The following DOCK5 variants were observed in gnomAD, a reference collection of about 807,000 sequenced individuals.
The protein encoded by DOCK5 is dedicator of cytokinesis 5.
DOCK5 carries 142 observed loss-of-function variants against 251.8 expected under a neutral mutation model. The observed-to-expected ratio is 0.56, with a 90% CI of 0.49 to 0.65. The LOEUF (loss-of-function observed/expected upper bound fraction) is 0.65. DOCK5 is among the 30% of genes least tolerant of loss of function. The pLI is 0.00. For synonymous variants in DOCK5, 842 were observed against 835.5 expected, an observed-to-expected ratio of 1.01 and a Z score of -0.13; for missense variants, 2,111 against 2,312.3, an observed-to-expected ratio of 0.91 and a Z score of 1.79.
At chr8:25,190,778 T>TTTTTTTTTTTTTG (rs1801562966) in intron 1 of DOCK5, among the ~76,000 whole-genome samples, 1 of 89,312 alleles carries the variant, frequency 1.1e-5, no homozygotes, top group Non-Finnish European at 2.5e-5. Context: ...GGTCATGGGT[T>TTTTTTTTTTTTTG]TTTTTTTTTT....
chr8:25,349,039 A>T (rs1035469350), intron 26 of DOCK5, among the ~76,000 whole-genome samples: 2 of 152,170 alleles, frequency 1.3e-5, no homozygotes, highest in African/African-American at 2.4e-5. Flanking sequence ...GATTTTATGA[A>T]TCACTTTCAT....
At chr8:25,351,914 G>A in intron 27 of DOCK5, 88 bp downstream of exon 27, 1 of 989,318 alleles carries the variant, frequency 1.0e-6, no homozygotes, top group South Asian at 1.4e-5. Flanking sequence ...AGTGGCTTGA[G>A]ACTATTCTTC....
At position 25,400,963 on chromosome 8, in the gene DOCK5, G is replaced by A. The variant is rs1801428920; in HGVS notation, c.4823G>A (p.Gly1608Glu). The A allele has an allele frequency of 6.2e-7, 1 of 1,614,006 alleles. No homozygotes were observed. The highest frequency in any genetic ancestry group is 8.5e-7 in the Non-Finnish European group (1 of 1,179,894). ...CTAACAGAAGGGATCCGCATCCATG[G>A]GGAGAAACTCACAGAGCAGCTGAAG... The part of the protein sequence containing the change: ...PLLTEGIRIH[G>E]EKLTEQLKPL... The change falls in exon 47 of 52, where the codon GGG becomes GAG. Residue 1608 changes from glycine to glutamate, a missense_variant. By Grantham distance (98) the Gly-to-Glu change is moderately conservative. Transcript: ENST00000276440.
At chr8:25,313,053 A>G (rs1805144399) in intron 13 of DOCK5, among the ~76,000 whole-genome samples, 1 of 152,208 alleles carries the variant, frequency 6.6e-6, no homozygotes, top group Non-Finnish European at 1.5e-5. Flanking sequence ...AGACCGATTC[A>G]GAGCTCCCAA....
At chr8:25,244,122 TG>T (rs1470665169) in intron 2 of DOCK5, among the ~76,000 whole-genome samples, 1 of 152,248 alleles carries the variant, frequency 6.6e-6, no homozygotes, top group Non-Finnish European at 1.5e-5. Flanking sequence ...GGTCTCTTTC[TG>T]TTCAGCACTA....
chr8:25,343,044 G>A (rs1800276148), intron 25 of DOCK5, among the ~76,000 whole-genome samples: 1 of 151,724 alleles, frequency 6.6e-6, no homozygotes, highest in South Asian at 2.1e-4. Context: ...CCTCACCTAG[G>A]CTGGAGTTCT....
At chr8:25,219,599 T>A (rs929560349) in intron 1 of DOCK5, among the ~76,000 whole-genome samples, 11 of 152,192 alleles carry the variant, frequency 7.2e-5, no homozygotes, top group Non-Finnish European at 1.6e-4. Flanking sequence ...TCTGAAAATA[T>A]CTCTATTCCA....
rs573494437 is a variant in DOCK5, at chr8:25,206,432, A to G, written c.43+21481A>G. ...GGTGTAAATACTCCCACAGTGGCCA[A>G]TTTCAGACCAGCAGTGGATTAAGAG... is the stretch of plus-strand genomic sequence containing the variant. On this transcript the variant is annotated intron_variant, in intron 1 of 51. Coordinates refer to ENST00000276440, the MANE Select transcript of DOCK5 (RefSeq NM_024940.8). Among the ~76,000 whole-genome samples the G allele has an allele frequency of 1.1e-4, 16 of 152,270 alleles. No homozygotes were observed. The South Asian group carries it at 1.7e-3, about 16-fold the overall frequency.
chr8:25,386,595 C>T (rs533840505), intron 40 of DOCK5, among the ~76,000 whole-genome samples: 2 of 151,976 alleles, frequency 1.3e-5, no homozygotes, highest in Non-Finnish European at 2.9e-5. Context: ...GAGACCCTGT[C>T]TCAAAAAATA....
At position 25,372,673 on chromosome 8, in the gene DOCK5, A is replaced by C; in HGVS notation, c.3639A>C (p.Gln1213His). The C allele has an allele frequency of 6.2e-7, 1 of 1,611,610 alleles. No individual in the cohort carries two copies. The change falls in exon 35 of 52, where the codon CAA becomes CAC. Residue 1213 changes from glutamine to histidine, a missense_variant. Gln to His is a conservative substitution (Grantham distance 24). Transcript: ENST00000276440. Reference sequence around the variant, plus strand: ...TGGACTATAGAACCATCATCATGCAAGATGAGAGCAAGGAGAACCGTATGA... The same window carrying C: ...TGGACTATAGAACCATCATCATGCACGATGAGAGCAAGGAGAACCGTATGA... Reference protein sequence around the residue: ...NLLDYRTIIMQDESKENRMSC... With the variant: ...NLLDYRTIIMHDESKENRMSC...
chr8:25,224,689 C>A (rs1292792275), intron 1 of DOCK5, among the ~76,000 whole-genome samples: 2 of 152,142 alleles, frequency 1.3e-5, no homozygotes, highest in Non-Finnish European at 2.9e-5. Flanking sequence ...AAAGACATGG[C>A]ATCATATTTT....
At chr8:25,390,389 T>A in intron 42 of DOCK5, 102 bp downstream of exon 42, 2 of 1,063,668 alleles carry the variant, frequency 1.9e-6, no homozygotes. Flanking sequence ...GGAGTATTGC[T>A]CGAAGCCAGG....
chr8:25,291,629 G>A (rs1804489294), intron 5 of DOCK5, among the ~76,000 whole-genome samples: 1 of 148,282 alleles, frequency 6.7e-6, no homozygotes, highest in African/African-American at 2.5e-5. Flanking sequence ...GTTACAGTTA[G>A]CCGAGTTTGT....
At chr8:25,220,833 A>T (rs1802367169) in intron 1 of DOCK5, among the ~76,000 whole-genome samples, 2 of 151,912 alleles carry the variant, frequency 1.3e-5, no homozygotes, top group African/African-American at 4.8e-5. Flanking sequence ...TGAACTCCTG[A>T]CTTCAGGTGA....
chr8:25,403,361 A>G (rs1801469500), intron 47 of DOCK5, among the ~76,000 whole-genome samples, 197 bp from the exon 48 acceptor site: 2 of 152,140 alleles, frequency 1.3e-5, no homozygotes, highest in African/African-American at 4.8e-5. Flanking sequence ...CCTAAGTTGT[A>G]CCTATAGCTA....
intron 39 of DOCK5, among the ~76,000 whole-genome samples, chr8:25,381,019 A>T (rs1376439947): frequency 2.0e-5 from 3 of 151,850 alleles, no homozygotes; most frequent in Non-Finnish European, 4.4e-5. Flanking sequence ...CACCATTCTG[A>T]ATGCCCAGTG....
chr8:25,214,270 C>G (rs555428278), intron 1 of DOCK5, among the ~76,000 whole-genome samples: 1 of 152,226 alleles, frequency 6.6e-6, no homozygotes, highest in African/African-American at 2.4e-5. Context: ...GAATTCTCTG[C>G]TTTGCCTGTT....
chr8:25,272,641 G>A (rs1391149249), intron 3 of DOCK5, among the ~76,000 whole-genome samples: 1 of 151,994 alleles, frequency 6.6e-6, no homozygotes, highest in Non-Finnish European at 1.5e-5. Flanking sequence ...CGTGCCCAGC[G>A]CCTCCGCAAC....
intron 2 of DOCK5, among the ~76,000 whole-genome samples, chr8:25,246,494 G>A (rs912410534): frequency 6.6e-5 from 10 of 152,040 alleles, no homozygotes; most frequent in African/African-American, 9.7e-5. Flanking sequence ...GGCTGGTCTC[G>A]TGGCCAACTC....
Sources: allele counts gnomAD v4.1 joint callset (sites outside exome capture counted in the v4.1 genomes callset), GRCh38; gene constraint gnomAD v4.1.1; transcripts MANE v1.5; gene names NCBI Gene and HGNC (gene_info 2026-07-23, HGNC 2026-07-21).